Variants in DHRSX observed in about 807,000 individuals in gnomAD.
DHRSX encodes polyprenol dehydrogenase.
In DHRSX, 31 loss-of-function variants were observed where a neutral mutation model predicts 34.0. The ratio of observed to expected loss-of-function variants is 0.91; its 90% CI spans 0.69 to 1.23. The LOEUF is 1.23. Among genes scored for constraint, DHRSX ranks in the 50% most tolerant of loss-of-function variants. DHRSX has a pLI of 0.00. For missense variants in DHRSX, 414 were observed against 428.1 expected (o/e 0.97, Z 0.29); for synonymous variants, 201 against 183.8 (o/e 1.09, Z -0.76).
At chrX:2,361,399 C>G (rs1603006014) in intron 3 of DHRSX, among the ~76,000 whole-genome samples, 1 of 152,208 alleles carries the variant, frequency 6.6e-6, no homozygotes, top group East Asian at 1.9e-4. Context: ...GCTACCGCAC[C>G]CAGCTCAATA....
At chrX:2,269,217 A>G (rs2041516156) in intron 4 of DHRSX, among the ~76,000 whole-genome samples, 1 of 152,208 alleles carries the variant, frequency 6.6e-6, no homozygotes, top group Non-Finnish European at 1.5e-5. Context: ...ATATTTTCCT[A>G]TGCATATGCA....
intron 1 of DHRSX, among the ~76,000 whole-genome samples, chrX:2,453,214 CTGA>C (rs2044249317): frequency 6.6e-6 from 1 of 152,060 alleles, no homozygotes; most frequent in Admixed American, 6.6e-5. Flanking sequence ...GCAAAGAATG[CTGA>C]AGTGTTTGTC....
intron 6 of DHRSX, among the ~76,000 whole-genome samples, chrX:2,239,580 C>T (rs2016093248): frequency 6.6e-6 from 1 of 151,510 alleles, no homozygotes; most frequent in African/African-American, 2.4e-5. Context: ...CATGGTGAAA[C>T]CCCGTCTCTA....
chrX:2,475,667 A>T (rs1234128996), intron 1 of DHRSX, among the ~76,000 whole-genome samples: 1 of 152,096 alleles, frequency 6.6e-6, no homozygotes, highest in African/African-American at 2.4e-5. Context: ...GTACACACTG[A>T]ACACGTTCCC....
rs143263114 is a variant in DHRSX at position 2,407,220 on chromosome X, G to A, written c.286+1525C>T. ...GAGTCCAATTTGCTGGGTCCGACTC[G>A]CAGACTTTGGCTGAGCGACGGATGA... On this transcript the variant is annotated intron_variant, in intron 3 of 6. Transcript: ENST00000334651. Among the ~76,000 whole-genome samples the A allele has an allele frequency of 7.7e-3, 1,178 of 152,242 alleles. 10 individuals are homozygous for A. The highest frequency in any genetic ancestry group is 0.012 in the Non-Finnish European group (833 of 68,026).
chrX:2,270,151 TG>T (rs1410413739), intron 4 of DHRSX, among the ~76,000 whole-genome samples: 1 of 152,176 alleles, frequency 6.6e-6, no homozygotes, highest in African/African-American at 2.4e-5. Flanking sequence ...CCTCGGTACA[TG>T]GACCCATTTC....
At chrX:2,359,034 T>C (rs1397816112) in intron 3 of DHRSX, among the ~76,000 whole-genome samples, 7 of 149,326 alleles carry the variant, frequency 4.7e-5, no homozygotes, top group Non-Finnish European at 1.0e-4. Context: ...GACACGCAAA[T>C]CAAAACCAGA....
At chrX:2,379,601 T>TG (rs1158089845) in intron 3 of DHRSX, among the ~76,000 whole-genome samples, 108 of 148,942 alleles carry the variant, frequency 7.3e-4, no homozygotes, top group African/African-American at 2.6e-3. Context: ...GGAGGTTTTT[T>TG]TTTTTTTTTT....
chrX:2,259,541 A>G (rs890929059), intron 5 of DHRSX, among the ~76,000 whole-genome samples: 12 of 152,064 alleles, frequency 7.9e-5, no homozygotes, highest in Non-Finnish European at 1.6e-4. Flanking sequence ...CTGCTTTGCA[A>G]TCTGTATTAC....
chrX:2,346,650 T>G (rs868770808), intron 3 of DHRSX, among the ~76,000 whole-genome samples: 2 of 113,996 alleles, frequency 1.8e-5, no homozygotes, highest in Non-Finnish European at 1.9e-5. Flanking sequence ...GTCTGGTTTT[T>G]TTTTTGTTGT....
chrX:2,490,503 C>A (rs1437534515), intron 1 of DHRSX: 1 of 1,613,792 alleles, frequency 6.2e-7, no homozygotes, highest in African/African-American at 1.3e-5. Flanking sequence ...CAGAATTCCT[C>A]GGGGTGGTTC....
At chrX:2,303,594 AC>A (rs2042040327) in intron 3 of DHRSX, among the ~76,000 whole-genome samples, 1 of 151,656 alleles carries the variant, frequency 6.6e-6, no homozygotes, top group South Asian at 2.1e-4. Context: ...AGCCAATTAA[AC>A]CTCTTTTCTT....
At chrX:2,498,403 C>A (rs752894578) in intron 1 of DHRSX, among the ~76,000 whole-genome samples, 1 of 152,288 alleles carries the variant, frequency 6.6e-6, no homozygotes, top group South Asian at 2.1e-4. Context: ...AGCTGGCCAC[C>A]AGCAGACCAA....
intron 3 of DHRSX, among the ~76,000 whole-genome samples, chrX:2,397,430 G>A (rs762331903): frequency 1.3e-5 from 2 of 152,092 alleles, no homozygotes; most frequent in African/African-American, 4.8e-5. Context: ...CACCGGGCCC[G>A]ACCCTGGCAT....
At chrX:2,291,697 T>C in intron 3 of DHRSX, 94 bp from the exon 4 acceptor site, 1 of 902,924 alleles carries the variant, frequency 1.1e-6, no homozygotes, top group Non-Finnish European at 1.8e-6. Context: ...CAATTTCATC[T>C]AGGAAGTAAC....
chrX:2,385,123 T>TGTGG (rs2043256222), intron 3 of DHRSX, among the ~76,000 whole-genome samples: 1 of 118,720 alleles, frequency 8.4e-6, no homozygotes, highest in Admixed American at 9.4e-5. Context: ...TGTGTGTGTG[T>TGTGG]GTGTGTGTGT....
chrX:2,421,847 G>A (rs1353220182), intron 2 of DHRSX, among the ~76,000 whole-genome samples: 2 of 152,178 alleles, frequency 1.3e-5, no homozygotes, highest in African/African-American at 2.4e-5. Context: ...AGTTTTTATC[G>A]TATAGATGTA....
rs776794138 is a variant in DHRSX at position 2,222,853 on chromosome X, G to C, written c.805-1624C>G. On this transcript the variant is annotated intron_variant, in intron 6 of 6. Transcript: ENST00000334651. ...TGACTTCAGCAGCCAGTGTGACGTGGAAAGGCATGGTAGACAATCCAGTGT... is the reference window on the plus strand; with the variant it reads ...TGACTTCAGCAGCCAGTGTGACGTGCAAAGGCATGGTAGACAATCCAGTGT... Among the ~76,000 whole-genome samples the C allele has an allele frequency of 2.2e-3, 331 of 152,326 alleles. 1 individual carries two copies. Among genetic ancestry groups the C allele is most frequent in the African/African-American group, 7.3e-3 (305 of 41,564 alleles).
At chrX:2,345,271 A>ACTTTGAGATCAGGCTGTCCCC (rs2042690200) in intron 3 of DHRSX, among the ~76,000 whole-genome samples, 1 of 152,068 alleles carries the variant, frequency 6.6e-6, no homozygotes, top group Non-Finnish European at 1.5e-5. Flanking sequence ...TTTAAATGAG[A>ACTTTGAGATCAGGCTGTCCCC]TAAATATCGA....
Sources: gnomAD v4.1 joint callset for allele counts (sites outside exome capture counted in the v4.1 genomes callset) on GRCh38, gnomAD v4.1.1 for gene constraint, MANE v1.5 for transcripts, NCBI Gene and HGNC (gene_info 2026-07-23, HGNC 2026-07-21) for gene names.